The following FYB1 variants were observed in gnomAD, a reference collection of about 807,000 sequenced individuals.
The protein encoded by FYB1 is FYN-binding protein 1.
In FYB1, 41 loss-of-function variants were observed where a neutral mutation model predicts 94.1. The observed-to-expected ratio is 0.44, with a 90% CI of 0.34 to 0.57. The LOEUF is 0.57. FYB1 is among the 20% of genes least tolerant of loss of function. The pLI, the probability that FYB1 is intolerant of heterozygous loss-of-function variation, is 0.02. For synonymous variants in FYB1, 367 were observed against 353.2 expected, an observed-to-expected ratio of 1.04 and a Z score of -0.44; for missense variants, 1,050 against 976.8, an observed-to-expected ratio of 1.07 and a Z score of -1.00.
At chr5:39,224,529 A>G (rs1750392851), upstream of FYB1, among the ~76,000 whole-genome samples, 1 of 152,176 alleles carries the variant, frequency 6.6e-6, no homozygotes, top group South Asian at 2.1e-4. Context: ...TAAGCCAATC[A>G]CATCCTGATC....
chr5:39,211,641 C>A (rs1452187788), intron 1 of FYB1, among the ~76,000 whole-genome samples: 1 of 152,096 alleles, frequency 6.6e-6, no homozygotes, highest in East Asian at 1.9e-4. Context: ...TTCATGTACA[C>A]CCCAACAAAA....
intron 14 of FYB1, among the ~76,000 whole-genome samples, chr5:39,120,258 GAGAGAC>G (rs1739968667): frequency 1.3e-5 from 2 of 151,906 alleles, no homozygotes; most frequent in South Asian, 2.1e-4. Context: ...GTGTATGAAA[GAGAGAC>G]AGAGACAGAG....
intron 16 of FYB1, among the ~76,000 whole-genome samples, chr5:39,112,654 A>G (rs1005789742): frequency 3.3e-5 from 5 of 152,086 alleles, no homozygotes; most frequent in African/African-American, 7.2e-5. Flanking sequence ...TGGATAAAAC[A>G]CTAAACGAAA....
In FYB1 at chr5:39,202,937, GCC is replaced by G; in HGVS notation, c.22_23del (p.Gly8GlnfsTer10). On this transcript the variant is annotated frameshift_variant, in exon 2 of 19. Transcript: ENST00000512982. LOFTEE classifies it high-confidence loss of function. ...TGACTGAGACATCCTCTGTCGGGTT[GCC>G]CCCCGTGTTATATTTCGCCATGAGG... MAKYNTG[G>X]NPTEDVSVNS... 6.2e-7 allele frequency: 1 copy of G among 1,613,870 alleles called. No homozygotes were observed. The highest frequency in any genetic ancestry group is 8.5e-7 in the Non-Finnish European group (1 of 1,179,890).
At chr5:39,146,974 T>C (rs1742710664) in intron 3 of FYB1, among the ~76,000 whole-genome samples, 1 of 151,080 alleles carries the variant, frequency 6.6e-6, no homozygotes, top group African/African-American at 2.4e-5. Context: ...TCGCTAAGGG[T>C]TCCAAGCATT....
At position 39,243,750 on chromosome 5, in the gene FYB1, A is replaced by C. The variant is rs927825849; in HGVS notation, c.-28+30653T>G. ...CTTGGGCAGTATGGCCATTTTCACG[A>C]TATTGATTCTTCCTATCCATGAGCA... is the stretch of plus-strand genomic sequence containing the variant. On this transcript the variant is annotated intron_variant, in intron 1 of 1. Transcript: ENST00000510188. Among the ~76,000 whole-genome samples the C allele has an allele frequency of 1.7e-3, 253 of 152,156 alleles. 3 individuals carry two copies. The highest frequency in any genetic ancestry group is 5.6e-3 in the African/African-American group (233 of 41,482).
chr5:39,138,665 A>G lies in FYB1; in HGVS notation c.1386T>C (p.Tyr462=). ...DEEQDSEGET[Y]EDIEASKERE... Reference sequence around the variant, plus strand: ...AAAAATGTAATTCATACATGTCTTCATATGTTTCTCCTTCACTGTCTTGTT... The same window carrying G: ...AAAAATGTAATTCATACATGTCTTCGTATGTTTCTCCTTCACTGTCTTGTT... Residue 462 remains tyrosine, a synonymous_variant, in exon 6 of 19, where the codon TAT becomes TAC. Coordinates refer to ENST00000512982, the MANE Select transcript of FYB1 (RefSeq NM_001465.6). The G allele has an allele frequency of 6.6e-7, 1 of 1,519,922 alleles. No homozygotes were observed. Among genetic ancestry groups the G allele is most frequent in the Non-Finnish European group, 9.1e-7 (1 of 1,102,664 alleles). 94.2% of individuals were successfully genotyped at this position (1,519,922 alleles called of 1,614,324 possible).
chr5:39,262,670 C>A (rs541433958), intron 1 of FYB1, among the ~76,000 whole-genome samples: 16 of 152,002 alleles, frequency 1.1e-4, no homozygotes, highest in African/African-American at 3.9e-4. Context: ...AAAATAATGG[C>A]AACAAATCAA....
At chr5:39,201,758 C>T in intron 2 of FYB1, 68 bp downstream of exon 2, 1 of 1,393,720 alleles carries the variant, frequency 7.2e-7, no homozygotes, top group Non-Finnish European at 9.8e-7. Context: ...CAAAACTTTC[C>T]CCAGAAGCTA....
intron 1 of FYB1, among the ~76,000 whole-genome samples, chr5:39,244,767 T>C (rs915431507): frequency 6.6e-6 from 1 of 152,100 alleles, no homozygotes; most frequent in Non-Finnish European, 1.5e-5. Flanking sequence ...ATCCGTCTGG[T>C]CCTGGACTTT....
chr5:39,149,878 C>T (rs900120667), intron 3 of FYB1, among the ~76,000 whole-genome samples: 2 of 152,188 alleles, frequency 1.3e-5, no homozygotes, highest in Admixed American at 1.3e-4. Context: ...CCTTTCTTCT[C>T]TGTTTACACT....
chr5:39,139,071 A>G, intron 5 of FYB1, 162 bp downstream of exon 5: 1 of 772,584 alleles, frequency 1.3e-6, no homozygotes, highest in African/African-American at 1.8e-5. Context: ...ACTAGTGTGT[A>G]ACATCTTAAG....
At chr5:39,172,989 T>C (rs1174717710) in intron 2 of FYB1, among the ~76,000 whole-genome samples, 1 of 152,218 alleles carries the variant, frequency 6.6e-6, no homozygotes, top group Non-Finnish European at 1.5e-5. Flanking sequence ...CTGGGTTGAA[T>C]GGTAGTTGTG....
Position 39,247,510 on chromosome 5 carries a change from A to G in FYB1, c.-28+26893T>C, listed in dbSNP as rs1751532226. On this transcript the variant is annotated intron_variant, in intron 1 of 1. Transcript: ENST00000510188. ...TTCATAGTTTTGGCACAGTTCAGAA[A>G]ACTGGGTTCATGTCAACAGATTAAC... Among the ~76,000 whole-genome samples, 3 of 152,144 alleles carry G rather than the reference A, an allele frequency of 2.0e-5. No homozygotes were observed. The South Asian group carries it at 6.2e-4, about 31-fold the overall frequency.
intron 1 of FYB1, among the ~76,000 whole-genome samples, chr5:39,264,183 T>C (rs1752335224): frequency 6.6e-6 from 1 of 152,178 alleles, no homozygotes; most frequent in South Asian, 2.1e-4. Context: ...CAAGCAGTGG[T>C]AGATGAACAT....
intron 1 of FYB1, among the ~76,000 whole-genome samples, chr5:39,260,171 G>A (rs1201646440): frequency 2.0e-5 from 3 of 152,260 alleles, no homozygotes; most frequent in Admixed American, 6.5e-5. Context: ...ATAGAGTAAT[G>A]GCTTTGAAAA....
intron 1 of FYB1, among the ~76,000 whole-genome samples, chr5:39,249,594 C>T (rs1312537413): frequency 1.3e-5 from 1 of 78,922 alleles, no homozygotes; most frequent in African/African-American, 2.9e-5. Flanking sequence ...GTGAGAGATG[C>T]AAAACTATAA....
At position 39,202,125 on chromosome 5, in the gene FYB1, C is replaced by T. The variant is rs756980942; in HGVS notation, c.836G>A (p.Gly279Asp). The T allele has an allele frequency of 1.9e-6, 3 of 1,613,922 alleles. No individual in the cohort carries two copies. Among genetic ancestry groups the T allele is most frequent in the South Asian group, 1.1e-5 (1 of 91,082 alleles). ...CTTCCTATCTTCCTTTTTTTCTTCA[C>T]CATTTTTGGAGAGACCTGGGCCTCC... Reference protein sequence around the residue: ...SRGGPGLSKNGEEKKEDRKID... With the variant: ...SRGGPGLSKNDEEKKEDRKID... The change falls in exon 2 of 19, where the codon GGT (glycine) becomes GAT (aspartate). Residue 279 changes from glycine (G) to aspartate (D), a missense_variant. Transcript: ENST00000512982.
intron 2 of FYB1, among the ~76,000 whole-genome samples, chr5:39,193,388 C>G (rs1467608075): frequency 6.6e-6 from 1 of 152,020 alleles, no homozygotes; most frequent in Non-Finnish European, 1.5e-5. Flanking sequence ...GTTAAAAATA[C>G]TAAAAAAGAA....
Sources: allele counts gnomAD v4.1 joint callset (sites outside exome capture counted in the v4.1 genomes callset), GRCh38; gene constraint gnomAD v4.1.1; transcripts MANE v1.5; gene names NCBI Gene and HGNC (gene_info 2026-07-23, HGNC 2026-07-21).